Variants in ST6GALNAC5 observed in about 807,000 individuals in gnomAD.
ST6GALNAC5 encodes the protein alpha-N-acetylgalactosaminide alpha-2,6-sialyltransferase 5.
A neutral mutation model predicts 33.6 loss-of-function variants in ST6GALNAC5; 27 were observed. The ratio of observed to expected loss-of-function variants is 0.80; its 90% CI spans 0.59 to 1.11. The LOEUF is 1.11. ST6GALNAC5 is among the 50% of genes least tolerant of loss of function. The pLI, the probability that ST6GALNAC5 is intolerant of heterozygous loss-of-function variation, is 0.00. For missense variants in ST6GALNAC5, 428 were observed against 454.0 expected, an observed-to-expected ratio of 0.94 and a Z score of 0.52; for synonymous variants, 194 against 171.2, an observed-to-expected ratio of 1.13 and a Z score of -1.04.
At chr1:76,974,206 A>AGTTT (rs1648898192) in intron 2 of ST6GALNAC5, among the ~76,000 whole-genome samples, 1 of 125,072 alleles carries the variant, frequency 8.0e-6, no homozygotes, top group African/African-American at 3.1e-5. Context: ...TTTGCTTTTC[A>AGTTT]CTTTTTTTTT....
chr1:76,908,165 T>G (rs1272529482), intron 2 of ST6GALNAC5, among the ~76,000 whole-genome samples: 1 of 152,132 alleles, frequency 6.6e-6, no homozygotes, highest in African/African-American at 2.4e-5. Flanking sequence ...CTTAGTATTT[T>G]CAGGCTGCTA....
chr1:76,974,620 G>T (rs1419147482), intron 2 of ST6GALNAC5, among the ~76,000 whole-genome samples: 2 of 151,296 alleles, frequency 1.3e-5, no homozygotes, highest in East Asian at 3.9e-4. Flanking sequence ...CATAAGTGTG[G>T]GTCTGGTGTG....
intron 2 of ST6GALNAC5, among the ~76,000 whole-genome samples, chr1:76,906,320 C>T (rs1271989456): frequency 2.6e-5 from 4 of 152,122 alleles, no homozygotes; most frequent in Non-Finnish European, 5.9e-5. Flanking sequence ...AGGTTTCTCA[C>T]ACTGGTGTTT....
chr1:76,979,959 G>A (rs936163656), intron 2 of ST6GALNAC5, among the ~76,000 whole-genome samples: 2 of 152,102 alleles, frequency 1.3e-5, no homozygotes, highest in African/African-American at 4.8e-5. Context: ...AGACTGTAAT[G>A]TAAGACCCAA....
At chr1:76,937,798 C>T (rs1647227318) in intron 2 of ST6GALNAC5, among the ~76,000 whole-genome samples, 1 of 152,066 alleles carries the variant, frequency 6.6e-6, no homozygotes, top group Non-Finnish European at 1.5e-5. Flanking sequence ...TAATTCATTA[C>T]TTTCAGTAAG....
chr1:76,969,356 C>A (rs566503279), intron 2 of ST6GALNAC5, among the ~76,000 whole-genome samples: 1 of 152,184 alleles, frequency 6.6e-6, no homozygotes, highest in Non-Finnish European at 1.5e-5. Flanking sequence ...TCTTAGCAAA[C>A]GGCACACCAG....
At chr1:76,870,921 C>A (rs1313478266) in intron 2 of ST6GALNAC5, among the ~76,000 whole-genome samples, 1 of 152,172 alleles carries the variant, frequency 6.6e-6, no homozygotes, top group East Asian at 1.9e-4. Flanking sequence ...GACATTATCC[C>A]AATTGTCCCA....
intron 2 of ST6GALNAC5, among the ~76,000 whole-genome samples, chr1:76,914,001 G>A (rs1368427068): frequency 6.6e-6 from 1 of 152,062 alleles, no homozygotes; most frequent in African/African-American, 2.4e-5. Flanking sequence ...AAAGTCTCAG[G>A]AAACAAAATC....
chr1:77,044,137 C>T, intron 2 of ST6GALNAC5, 67 bp from the exon 3 acceptor site: 2 of 1,498,260 alleles, frequency 1.3e-6, no homozygotes, highest in Non-Finnish European at 1.8e-6. Flanking sequence ...AGGGAAGTAG[C>T]CTGCTGGTGC....
chr1:77,008,646 C>T (rs1394835053), intron 2 of ST6GALNAC5, among the ~76,000 whole-genome samples: 1 of 152,138 alleles, frequency 6.6e-6, no homozygotes, highest in Non-Finnish European at 1.5e-5. Context: ...TCTCCTGCCC[C>T]AGCCTCCGGA....
chr1:76,910,944 C>G (rs1294308028), intron 2 of ST6GALNAC5, among the ~76,000 whole-genome samples: 1 of 151,830 alleles, frequency 6.6e-6, no homozygotes, highest in Non-Finnish European at 1.5e-5. Flanking sequence ...AAAAATGAGG[C>G]ATTCATCAAG....
chr1:76,915,587 A>G (rs910953995), intron 2 of ST6GALNAC5, among the ~76,000 whole-genome samples: 10 of 151,814 alleles, frequency 6.6e-5, no homozygotes, highest in African/African-American at 2.4e-4. Context: ...GTAAACTATC[A>G]CAAGGACAAA....
intron 2 of ST6GALNAC5, among the ~76,000 whole-genome samples, chr1:76,919,672 G>C (rs182279909): frequency 3.6e-4 from 55 of 152,294 alleles, no homozygotes; most frequent in Admixed American, 1.2e-3. Flanking sequence ...TCTAAGTGCT[G>C]AGTAAATGGG....
At chr1:76,911,119 C>T (rs1646907207) in intron 2 of ST6GALNAC5, among the ~76,000 whole-genome samples, 1 of 152,136 alleles carries the variant, frequency 6.6e-6, no homozygotes, top group Admixed American at 6.6e-5. Flanking sequence ...AACTTCCCAT[C>T]AATACCTAAT....
intron 2 of ST6GALNAC5, among the ~76,000 whole-genome samples, chr1:76,872,509 C>T (rs776358908): frequency 2.5e-4 from 38 of 152,076 alleles, no homozygotes; most frequent in Non-Finnish European, 4.7e-4. Context: ...ATCAAAATTG[C>T]TTAGTGGTAA....
At chr1:77,008,478 A>G (rs1650509016) in intron 2 of ST6GALNAC5, among the ~76,000 whole-genome samples, 1 of 152,222 alleles carries the variant, frequency 6.6e-6, no homozygotes, top group Non-Finnish European at 1.5e-5. Context: ...CAAAGCTTGT[A>G]GCATAGTGCC....
chr1:77,031,643 A>T (rs1410470511), intron 2 of ST6GALNAC5, among the ~76,000 whole-genome samples: 1 of 152,212 alleles, frequency 6.6e-6, no homozygotes, highest in African/African-American at 2.4e-5. Context: ...GATTTGGGAT[A>T]GTTTTGTCTC....
At chr1:76,972,681 A>C (rs966431890) in intron 2 of ST6GALNAC5, among the ~76,000 whole-genome samples, 1 of 152,132 alleles carries the variant, frequency 6.6e-6, no homozygotes, top group Non-Finnish European at 1.5e-5. Flanking sequence ...CTGTAGAATA[A>C]ATTTCTGGAA....
At chr1:76,875,800 A>G (rs1352012111) in intron 2 of ST6GALNAC5, among the ~76,000 whole-genome samples, 3 of 152,166 alleles carry the variant, frequency 2.0e-5, no homozygotes, top group African/African-American at 7.2e-5. Flanking sequence ...CATCCCTGCC[A>G]CCATGGCCTT....
Sources: allele counts gnomAD v4.1 joint callset (sites outside exome capture counted in the v4.1 genomes callset), GRCh38; gene constraint gnomAD v4.1.1; transcripts MANE v1.5; gene names NCBI Gene and HGNC (gene_info 2026-07-23, HGNC 2026-07-21).